The following ACSM1 variants were observed in gnomAD, a reference collection of about 807,000 sequenced individuals.
ACSM1 encodes the protein acyl-coenzyme A synthetase ACSM1, mitochondrial.
A neutral mutation model predicts 75.8 loss-of-function variants in ACSM1; 79 were observed. The observed-to-expected ratio is 1.04, with a 90% CI of 0.87 to 1.26. ACSM1 has a LOEUF of 1.26. Among genes scored for constraint, ACSM1 ranks in the 50% most tolerant of loss-of-function variants. The pLI is 0.00. For synonymous variants in ACSM1, 279 were observed against 265.8 expected, an observed-to-expected ratio of 1.05 and a Z score of -0.48; for missense variants, 676 against 720.1, an observed-to-expected ratio of 0.94 and a Z score of 0.70.
chr16:20,663,123 T>C (rs1206092830), intron 6 of ACSM1, among the ~76,000 whole-genome samples: 1 of 152,072 alleles, frequency 6.6e-6, no homozygotes, highest in African/African-American at 2.4e-5. Context: ...CGCACCATAA[T>C]CTAAGCCCAG....
At chr16:20,688,738 C>T (rs1047726248) in intron 2 of ACSM1, among the ~76,000 whole-genome samples, 4 of 151,890 alleles carry the variant, frequency 2.6e-5, no homozygotes, top group Admixed American at 6.6e-5. Flanking sequence ...AGTTCACTAT[C>T]CCTAGACTTG....
rs1176029847 is a variant in ACSM1, at chr16:20,640,563, C to T, written c.1014G>A (p.Glu338=). 1.9e-6 allele frequency: 3 copies of T among 1,614,180 alleles called. No homozygotes were observed. The highest frequency in any genetic ancestry group is 2.2e-5 in the South Asian group (2 of 91,086). The change falls in exon 8 of 14, where the codon GAG becomes GAA. Residue 338 remains glutamate, a synonymous_variant. Transcript: ENST00000520010. ...CGACCTCCCCGCCAGTATAGCAGTG[C>T]TCCAGGGCAGGGAACCTGATGCTTA... is the stretch of plus-strand genomic sequence containing the variant. ...DFTSIRFPAL[E]HCYTGGEVVL... is the part of the protein sequence containing the mutation.
At chr16:20,632,215 G>T (rs1286401542) in intron 10 of ACSM1, among the ~76,000 whole-genome samples, 1 of 152,122 alleles carries the variant, frequency 6.6e-6, no homozygotes, top group Non-Finnish European at 1.5e-5. Context: ...AAGCATAGCA[G>T]AAGCAGGAAA....
chr16:20,644,714 C>G (rs945234862), intron 7 of ACSM1, among the ~76,000 whole-genome samples: 1 of 152,164 alleles, frequency 6.6e-6, no homozygotes, highest in Non-Finnish European at 1.5e-5. Context: ...AGGAAGGAAC[C>G]ATCTATACCA....
rs369482970 is a variant in ACSM1 at position 20,671,696 on chromosome 16, G to A, written c.612-25C>T. The A allele has an allele frequency of 1.5e-5, 23 of 1,499,154 alleles. No homozygotes were observed. In the African/African-American group the frequency reaches 2.1e-4, roughly 14 times the overall value. The allele number at this position is 1,499,154 out of a possible 1,614,324, so 92.9% of individuals were successfully genotyped here. A position where few individuals can be genotyped will look rare whatever the true frequency, so the allele number is the denominator to read the frequency against. ...TCTGCAAAGGGGTTCAAGACAAAAG[G>A]AAAAAAGTCATGATTGCTGTTTCTT... is the stretch of plus-strand genomic sequence containing the variant. On this transcript the variant is annotated intron_variant, in intron 4 of 13. Coordinates refer to ENST00000520010, the MANE Select transcript of ACSM1 (RefSeq NM_001318890.3).
At chr16:20,690,902 TA>T (rs759296926) in intron 2 of ACSM1, 94 bp downstream of exon 2, 101 of 1,204,394 alleles carry the variant, frequency 8.4e-5, no homozygotes, top group Non-Finnish European at 1.1e-4. Context: ...GAGGCAGAAG[TA>T]ACTTTGGTTC....
At chr16:20,692,068 T>G (rs2079659463) in intron 1 of ACSM1, among the ~76,000 whole-genome samples, 1 of 152,214 alleles carries the variant, frequency 6.6e-6, no homozygotes, top group Non-Finnish European at 1.5e-5. Context: ...CTCCTTTGCC[T>G]GAGACTGGGT....
chr16:20,627,906 A>G (rs1235318933), intron 10 of ACSM1, among the ~76,000 whole-genome samples: 1 of 75,480 alleles, frequency 1.3e-5, no homozygotes, highest in Non-Finnish European at 2.7e-5. Flanking sequence ...ATATATATAT[A>G]TATATATATA....
In ACSM1 at chr16:20,691,034, G is replaced by T. The variant is rs763086324; in HGVS notation, c.155C>A (p.Ala52Glu). The T allele has an allele frequency of 1.2e-6, 2 of 1,613,558 alleles. No homozygotes were observed. The highest frequency in any genetic ancestry group is 2.2e-5 in the South Asian group (2 of 90,938). ...DYEVPEEFNF[A>E]SYVLDYWAQK... ...AGCCCAGTAGTCCAGTACATAACTT[G>T]CAAAGTTAAATTCCTCCGGTACTTC... The change falls in exon 2 of 14, where the codon GCA (alanine) becomes GAA (glutamate). Residue 52 changes from alanine to glutamate, a missense_variant. Coordinates refer to ENST00000520010, the MANE Select transcript of ACSM1 (RefSeq NM_001318890.3).
At chr16:20,627,378 C>T (rs2017006357) in intron 10 of ACSM1, 62 bp from the exon 11 acceptor site, 1 of 1,489,452 alleles carries the variant, frequency 6.7e-7, no homozygotes, top group South Asian at 1.5e-5. Flanking sequence ...GAGCCACAAC[C>T]TTGGGTTCCA....
At chr16:20,636,414 G>A (rs541176894) in intron 10 of ACSM1, among the ~76,000 whole-genome samples, 1 of 152,254 alleles carries the variant, frequency 6.6e-6, no homozygotes, top group South Asian at 2.1e-4. Flanking sequence ...GCGAGGATAA[G>A]TGATTTGTTT....
Position 20,648,344 on chromosome 16 carries a change from C to T in ACSM1, c.993-7760G>A, listed in dbSNP as rs1045123846. Among the ~76,000 whole-genome samples the T allele has an allele frequency of 1.3e-5, 2 of 152,166 alleles. No individual in the cohort carries two copies. The highest frequency in any genetic ancestry group is 4.8e-5 in the African/African-American group (2 of 41,438). On this transcript the variant is annotated intron_variant, in intron 7 of 13. Coordinates refer to ENST00000520010, the MANE Select transcript of ACSM1 (RefSeq NM_001318890.3). This position sits in a 1 kb window ranked among gnomAD's most constrained non-coding sequence, Gnocchi z 4.2. The stretch of plus-strand genomic sequence containing the variant: ...CACTCAACCTGATTTACCAACATAA[C>T]CTGTTTCTGGCCATGCTCTCAGTCT...
At chr16:20,635,058 T>C (rs902472570) in intron 10 of ACSM1, among the ~76,000 whole-genome samples, 1 of 151,954 alleles carries the variant, frequency 6.6e-6, no homozygotes, top group African/African-American at 2.4e-5. Context: ...GGTGTGGGTA[T>C]ATGTTAGGAG....
intron 7 of ACSM1, among the ~76,000 whole-genome samples, chr16:20,659,170 C>A (rs1050127194): frequency 6.6e-6 from 1 of 152,140 alleles, no homozygotes; most frequent in Non-Finnish European, 1.5e-5. Flanking sequence ...GACTCCATCT[C>A]ACCCCTTAAA....
intron 4 of ACSM1, among the ~76,000 whole-genome samples, chr16:20,672,471 A>AAAAAAAAAAATATATATAT (rs1555473775): frequency 3.1e-5 from 2 of 64,572 alleles, no homozygotes; most frequent in East Asian, 1.3e-3. Context: ...AAAAAAAAAA[A>AAAAAAAAAAATATATATAT]ATATATATAT....
chr16:20,681,278 C>T (rs980609581), intron 4 of ACSM1: 3 of 152,206 alleles, frequency 2.0e-5, no homozygotes, highest in African/African-American at 7.2e-5. Flanking sequence ...ATTAGATTAT[C>T]ACTTAGCCTC....
intron 6 of ACSM1, 28 bp downstream of exon 6, chr16:20,669,799 G>T (rs1346396257): frequency 3.8e-6 from 6 of 1,599,882 alleles, no homozygotes; most frequent in Admixed American, 1.8e-5. Flanking sequence ...CTGGAATTTT[G>T]CTGATAGGGG....
At position 20,691,125 on chromosome 16, in the gene ACSM1, G is replaced by T. The variant is rs2079646218; in HGVS notation, c.64C>A (p.Pro22Thr). The T allele has an allele frequency of 6.2e-7, 1 of 1,613,222 alleles. No homozygotes were observed. The highest frequency in any genetic ancestry group is 8.5e-7 in the Non-Finnish European group (1 of 1,179,670). Residue 22 changes from proline to threonine, a missense_variant, in exon 2 of 14, where the codon CCT (proline) becomes ACT (threonine). Physicochemically the swap from Pro to Thr is conservative, Grantham distance 38. Coordinates refer to ENST00000520010, the MANE Select transcript of ACSM1 (RefSeq NM_001318890.3). ...CGGCAGCGCAGCTGTGAAGGGGCAG[G>T]GTGGATGTTGTGGAAGGATTTGTGG... The part of the protein sequence containing the change: ...GIHKSFHNIH[P>T]APSQLRCRSL...
At chr16:20,686,674 C>T (rs987618155) in intron 2 of ACSM1, among the ~76,000 whole-genome samples, 2 of 151,938 alleles carry the variant, frequency 1.3e-5, no homozygotes, top group Non-Finnish European at 2.9e-5. Context: ...TAGAGCCAGG[C>T]GAGGTGGCAC....
Sources: allele counts gnomAD v4.1 joint callset (sites outside exome capture counted in the v4.1 genomes callset), GRCh38; gene constraint gnomAD v4.1.1; non-coding constraint Gnocchi (gnomAD v3.1); transcripts MANE v1.5; gene names NCBI Gene and HGNC (gene_info 2026-07-23, HGNC 2026-07-21).